AKAP7: variants seen among roughly 807,000 people sequenced by gnomAD.
AKAP7 encodes the protein A kinase (PRKA) anchor protein 7.
A neutral mutation model predicts 39.5 loss-of-function variants in AKAP7; 39 were observed. The ratio of observed to expected loss-of-function variants is 0.99; its 90% confidence interval spans 0.76 to 1.29. The LOEUF (loss-of-function observed/expected upper bound fraction) is 1.29. Ranked by LOEUF, AKAP7 falls within the 50% of genes most tolerant of loss-of-function variation. The probability of loss-of-function intolerance (pLI) is 0.00; values close to 1 mark genes in which losing one functional copy is unlikely to be tolerated. For synonymous variants in AKAP7, 140 were observed against 139.1 expected, an observed-to-expected ratio of 1.01 and a Z score of -0.05; for missense variants, 414 against 407.7, an observed-to-expected ratio of 1.02 and a Z score of -0.13.
At chr6:131,271,448 C>T (rs1389335537) in intron 7 of AKAP7, among the ~76,000 whole-genome samples, 1 of 152,080 alleles carries the variant, frequency 6.6e-6, no homozygotes, top group African/African-American at 2.4e-5. Flanking sequence ...GTCTCTCTTT[C>T]TGTAGCTTCA....
At chr6:131,261,320 TTACA>T (rs1813316978) in intron 7 of AKAP7, among the ~76,000 whole-genome samples, 2 of 149,456 alleles carry the variant, frequency 1.3e-5, no homozygotes, top group Admixed American at 6.6e-5. Context: ...GTTGTAACAC[TTACA>T]TACCACATAA....
At chr6:131,242,810 A>G (rs75791807) in intron 7 of AKAP7, among the ~76,000 whole-genome samples, 3,639 of 151,684 alleles carry the variant, frequency 0.024, 88 homozygotes, top group African/African-American at 0.063. Context: ...AGTTTCTTAT[A>G]CTTAATCTAC....
chr6:131,141,185 G>GTGGGGCTTGGTGGGAGGTGTT (rs1272167213), intron 1 of AKAP7, among the ~76,000 whole-genome samples: 9 of 152,268 alleles, frequency 5.9e-5, no homozygotes, highest in Admixed American at 2.6e-4. Context: ...AGTGTTGGAG[G>GTGGGGCTTGGTGGGAGGTGTT]TGGGGCTTGG....
intron 3 of AKAP7, among the ~76,000 whole-genome samples, chr6:131,160,911 C>G (rs1387706343): frequency 2.0e-5 from 3 of 152,184 alleles, no homozygotes; most frequent in Non-Finnish European, 1.5e-5. Context: ...CTCATTACAA[C>G]CACTGAAGCG....
the AKAP7 span, among the ~76,000 whole-genome samples, chr6:131,126,724 G>A: frequency 0.45 from 68,334 of 151,970 alleles, 16,982 homozygotes; most frequent in Non-Finnish European, 0.56. Context: ...GAATCCTAGG[G>A]AACTCCATAT....
chr6:131,231,226 C>G (rs924396175), intron 7 of AKAP7, among the ~76,000 whole-genome samples: 13 of 151,956 alleles, frequency 8.6e-5, no homozygotes, highest in African/African-American at 3.1e-4. Flanking sequence ...AAAAATGTAA[C>G]AAGTATAAAA....
intron 7 of AKAP7, among the ~76,000 whole-genome samples, chr6:131,277,309 A>G (rs1814827131): frequency 6.6e-6 from 1 of 152,256 alleles, no homozygotes; most frequent in African/African-American, 2.4e-5. Flanking sequence ...GATTTCTAAA[A>G]TAACAATGTC....
intron 2 of AKAP7, among the ~76,000 whole-genome samples, chr6:131,156,702 C>T (rs1802447561): frequency 6.6e-6 from 1 of 151,822 alleles, no homozygotes; most frequent in African/African-American, 2.4e-5. Context: ...TTTCCATACT[C>T]ATAGAAGGTG....
At position 131,145,381 on chromosome 6, in the gene AKAP7, C is replaced by T. The variant is rs1801399090; in HGVS notation, c.116C>T (p.Pro39Leu). The T allele has an allele frequency of 1.3e-6, 2 of 1,562,838 alleles. No individual in the cohort carries two copies. Among genetic ancestry groups the T allele is most frequent in the African/African-American group, 1.4e-5 (1 of 73,844 alleles). ...ANTMDSLVDMPFATVDIQDDC... is the reference protein window; with the variant it reads ...ANTMDSLVDMLFATVDIQDDC... The stretch of plus-strand genomic sequence containing the variant: ...ACTATGGATTCTCTGGTAGACATGC[C>T]ATTTGCTACTGTAGATATTCAGGAT... Residue 39 changes from proline to leucine, a missense_variant, in exon 2 of 8, where the codon CCA (proline) becomes CTA (leucine). Coordinates refer to ENST00000431975, the MANE Select transcript of AKAP7 (RefSeq NM_016377.4).
chr6:131,241,622 T>TAC, intron 7 of AKAP7, among the ~76,000 whole-genome samples: 1 of 138,516 alleles, frequency 7.2e-6, no homozygotes, highest in African/African-American at 3.0e-5. Flanking sequence ...TGTGTGTGTG[T>TAC]GTGTGTATAT....
At chr6:131,200,655 A>G (rs1807467316) in intron 6 of AKAP7, among the ~76,000 whole-genome samples, 2 of 152,158 alleles carry the variant, frequency 1.3e-5, no homozygotes, top group African/African-American at 4.8e-5. Flanking sequence ...GATATCTTGC[A>G]TGGTTTTTTG....
chr6:131,168,010 A>G (rs560788103), intron 4 of AKAP7, among the ~76,000 whole-genome samples: 2 of 152,284 alleles, frequency 1.3e-5, no homozygotes, highest in Admixed American at 6.5e-5. Flanking sequence ...TTTTTTTCTC[A>G]AAGTACCTAC....
chr6:131,182,809 A>C lies in AKAP7; in HGVS notation c.589+13536A>C, dbSNP rs139081774. Reference sequence around the variant, plus strand: ...ACTTGTTATTTTCTATTTTTTTGATAATGGCCCTTTTTTTTTAACCCAAAT... The same window carrying C: ...ACTTGTTATTTTCTATTTTTTTGATCATGGCCCTTTTTTTTTAACCCAAAT... On this transcript the variant is annotated intron_variant, in intron 5 of 7. Transcript: ENST00000431975. Among the ~76,000 whole-genome samples, 122 of 151,936 alleles carry C rather than the reference A, an allele frequency of 8.0e-4. 1 individual carries two copies. In the East Asian group the frequency reaches 0.015, roughly 19 times the overall value.
intron 1 of AKAP7, among the ~76,000 whole-genome samples, chr6:131,143,189 T>G (rs1316827550): frequency 6.6e-6 from 1 of 152,132 alleles, no homozygotes; most frequent in Non-Finnish European, 1.5e-5. Flanking sequence ...ATGATTATAT[T>G]TTGCAGTGAG....
At chr6:131,278,842 C>G (rs1019991271) in intron 7 of AKAP7, among the ~76,000 whole-genome samples, 3 of 152,130 alleles carry the variant, frequency 2.0e-5, no homozygotes, top group South Asian at 4.1e-4. Context: ...CAAATCCACA[C>G]TACATTAGCT....
intron 5 of AKAP7, among the ~76,000 whole-genome samples, chr6:131,193,847 G>A (rs1192677595): frequency 2.6e-5 from 4 of 151,950 alleles, no homozygotes; most frequent in Admixed American, 1.3e-4. Flanking sequence ...ATAGTTACTC[G>A]TAGCAGCCAC....
intron 2 of AKAP7, among the ~76,000 whole-genome samples, chr6:131,145,667 C>G (rs962658857): frequency 5.9e-5 from 9 of 152,112 alleles, no homozygotes; most frequent in Non-Finnish European, 5.9e-5. Context: ...CCTCAGCTTC[C>G]TGGTGGGAGG....
intron 7 of AKAP7, among the ~76,000 whole-genome samples, chr6:131,272,758 A>G (rs1319344872): frequency 6.6e-6 from 1 of 152,204 alleles, no homozygotes; most frequent in Non-Finnish European, 1.5e-5. Flanking sequence ...GACTTGTTTT[A>G]TGGCTCAGAA....
intron 7 of AKAP7, among the ~76,000 whole-genome samples, chr6:131,228,688 A>T (rs1810394756): frequency 6.6e-6 from 1 of 152,084 alleles, no homozygotes; most frequent in Non-Finnish European, 1.5e-5. Flanking sequence ...ACCAGTTCTT[A>T]GAATTTGGCC....
Sources: allele counts gnomAD v4.1 joint callset (sites outside exome capture counted in the v4.1 genomes callset), GRCh38; gene constraint gnomAD v4.1.1; transcripts MANE v1.5; gene names NCBI Gene and HGNC (gene_info 2026-07-23, HGNC 2026-07-21).